MEX3C: variants seen among roughly 807,000 people sequenced by gnomAD.
MEX3C encodes RNA-binding E3 ubiquitin-protein ligase MEX3C.
Under a neutral mutation model 35.5 loss-of-function variants are expected in MEX3C, and 15 were observed. The ratio of observed to expected loss-of-function variants is 0.42; its 90% CI spans 0.28 to 0.65. MEX3C has a LOEUF of 0.65. Among genes scored for constraint, MEX3C ranks in the 30% least tolerant of loss-of-function variants. The pLI, the probability that MEX3C is intolerant of heterozygous loss-of-function variation, is 0.20. For missense variants in MEX3C, 711 were observed against 842.8 expected (o/e 0.84, Z 1.94); for synonymous variants, 390 against 352.8 (o/e 1.11, Z -1.18).
intron 1 of MEX3C, among the ~76,000 whole-genome samples, chr18:51,182,912 C>T (rs1322513968): frequency 6.6e-5 from 10 of 152,138 alleles, no homozygotes; most frequent in African/African-American, 2.4e-4. Context: ...GTTCTTTTTC[C>T]TGTCAGAAAA....
At chr18:51,184,446 C>T (rs192260802) in intron 1 of MEX3C, among the ~76,000 whole-genome samples, 3 of 152,214 alleles carry the variant, frequency 2.0e-5, no homozygotes, top group East Asian at 3.9e-4. Context: ...ATTCTCAGAG[C>T]CCTTAAAAAC....
At chr18:51,178,860 CAAA>C (rs200287690) in intron 1 of MEX3C, among the ~76,000 whole-genome samples, 1 of 111,484 alleles carries the variant, frequency 9.0e-6, no homozygotes, top group African/African-American at 3.3e-5. Flanking sequence ...AACTCCATCT[CAAA>C]AAAAAAAAAA....
Position 51,174,698 on chromosome 18 carries a change from A to T in MEX3C, c.*1653T>A, listed in dbSNP as rs1016893630. The T allele has an allele frequency of 6.6e-6, 1 of 152,596 alleles. No homozygotes were observed. The highest frequency in any genetic ancestry group is 1.5e-5 in the Non-Finnish European group (1 of 68,008). 9.5% of individuals were successfully genotyped at this position (152,596 alleles called of 1,614,324 possible). Reference sequence around the variant, plus strand: ...TTTATCATAAAATATATGGTTTTAAATTTTACTCAAATTGAATTTATAATC... The same window carrying T: ...TTTATCATAAAATATATGGTTTTAATTTTTACTCAAATTGAATTTATAATC... On this transcript the variant is annotated 3_prime_UTR_variant, in exon 2 of 2. Transcript: ENST00000406189.
At position 51,197,613 on chromosome 18, in the gene MEX3C, G is replaced by C. The variant is rs1475650603; in HGVS notation, c.-293C>G. ...CGGCTCCCCTCTCAGTGTTTCTTTT[G>C]TTTCATGGCCTTAACCAGCCCCCGG... On this transcript the variant is annotated 5_prime_UTR_variant, in exon 1 of 2. Transcript: ENST00000406189. 6.6e-6 allele frequency among the ~76,000 whole-genome samples: 1 copy of C among 151,508 alleles called. No individual in the cohort carries two copies. The highest frequency in any genetic ancestry group is 2.0e-4 in the East Asian group (1 of 5,100).
chr18:51,187,466 G>GT (rs1001149081), intron 1 of MEX3C, among the ~76,000 whole-genome samples: 4 of 152,122 alleles, frequency 2.6e-5, no homozygotes, highest in Non-Finnish European at 5.9e-5. Flanking sequence ...TCCTTCGTTT[G>GT]TTTTTTGCAA....
At position 51,185,745 on chromosome 18, in the gene MEX3C, T is replaced by C. The variant is rs115484508; in HGVS notation, c.755-8169A>G. Among the ~76,000 whole-genome samples, 352 of 152,106 alleles carry C rather than the reference T, an allele frequency of 2.3e-3. 3 individuals are homozygous for C. Among genetic ancestry groups the C allele is most frequent in the African/African-American group, 8.3e-3 (345 of 41,494 alleles). On this transcript the variant is annotated intron_variant, in intron 1 of 1. Coordinates refer to ENST00000406189, the MANE Select transcript of MEX3C (RefSeq NM_016626.5). ...GTTTGAGGAATCACGGGCATTGGAA[T>C]AGGTGAAGGGATAAATCTAAAAATC... is the stretch of plus-strand genomic sequence containing the variant.
chr18:51,195,884 T>C (rs139432560), intron 1 of MEX3C: 2 of 152,424 alleles, frequency 1.3e-5, no homozygotes, highest in Admixed American at 6.5e-5. Context: ...TTAGTGTCCA[T>C]TTTTTCTTCA....
rs2144564070 is a variant in MEX3C, at chr18:51,197,309, G to T, written c.12C>A (p.Gly4=). The change falls in exon 1 of 2, where the codon GGC becomes GGA. Residue 4 remains glycine, a synonymous_variant. Transcript: ENST00000406189. ...CCGCCAGGGCCAGGGCCGCGGAGCT[G>T]CCGCTGGGCATCGCGGCGGCGCGCT... The part of the protein sequence containing the change: MPS[G]SSAALALAAA... The T allele has an allele frequency of 3.5e-6, 2 of 567,796 alleles. No individual in the cohort carries two copies. The highest frequency in any genetic ancestry group is 4.4e-6 in the Non-Finnish European group (2 of 450,172). 35.2% of individuals were successfully genotyped at this position (567,796 alleles called of 1,614,324 possible).
At chr18:51,187,655 C>G (rs1206892590) in intron 1 of MEX3C, among the ~76,000 whole-genome samples, 1 of 151,950 alleles carries the variant, frequency 6.6e-6, no homozygotes, top group African/African-American at 2.4e-5. Flanking sequence ...TTGAGGTCAG[C>G]AGAGATCACA....
chr18:51,197,340 T>TGGCGGC lies in MEX3C; in HGVS notation c.-26_-21dup, dbSNP rs968906531. On this transcript the variant is annotated 5_prime_UTR_variant, in exon 1 of 2. Transcript: ENST00000406189. ...GGGCATCGCGGCGGCGCGCTGTCAA[T>TGGCGGC]GGCGGCGGCGGCGGCCGGGTCAGGC... 5.8e-5 allele frequency: 21 copies of TGGCGGC among 359,696 alleles called. No homozygotes were observed. The highest frequency in any genetic ancestry group is 1.8e-4 in the African/African-American group (8 of 44,328). The allele number at this position is 359,696 out of a possible 1,614,324, so 22.3% of individuals were successfully genotyped here.
chr18:51,186,406 C>T (rs1256234064), intron 1 of MEX3C, among the ~76,000 whole-genome samples: 1 of 152,164 alleles, frequency 6.6e-6, no homozygotes, highest in African/African-American at 2.4e-5. Flanking sequence ...GGAAGGAGAG[C>T]AGAGGGAACT....
At chr18:51,182,633 C>T (rs1306968952) in intron 1 of MEX3C, among the ~76,000 whole-genome samples, 3 of 152,138 alleles carry the variant, frequency 2.0e-5, no homozygotes, top group Non-Finnish European at 4.4e-5. Flanking sequence ...AACTCTGGTC[C>T]TCTCACTCCC....
In MEX3C at chr18:51,176,725, C is replaced by T. The variant is rs770767687; in HGVS notation, c.1606G>A (p.Gly536Arg). 1 of 1,614,028 alleles carries T rather than the reference C, an allele frequency of 6.2e-7. No homozygotes were observed. Among genetic ancestry groups the T allele is most frequent in the Non-Finnish European group, 8.5e-7 (1 of 1,179,894 alleles). Residue 536 changes from glycine (G) to arginine (R), a missense_variant, in exon 2 of 2, where the codon GGA becomes AGA. Gly to Arg is a moderately radical substitution (Grantham distance 125, BLOSUM62 -2). This residue lies in a region of MEX3C where 187 missense variants were observed against 201.7 expected (regional missense o/e 0.93). Transcript: ENST00000406189. ...AGACGAGGAGTAGATGGCTGACTTC[C>T]TCTGCGCTGAGTCTTCATGTTACCA... Reference protein sequence around the residue: ...PSGNMKTQRRGSQPSTPRLSP... With the variant: ...PSGNMKTQRRRSQPSTPRLSP...
rs754759397 is a variant in MEX3C at position 51,196,901 on chromosome 18, C to A, written c.420G>T (p.Ser140=). The A allele has an allele frequency of 3.2e-6, 5 of 1,542,096 alleles. No individual in the cohort carries two copies. The part of the protein sequence containing the change: ...LEEAEEEDRS[S]LLLLSPPAAT... ...CCGCGGGCGGCGACAGCAGCAGCAG[C>A]GACGACCGGTCCTCCTCCTCTGCTT... The change falls in exon 1 of 2, where the codon TCG becomes TCT. Residue 140 remains serine (S), a synonymous_variant. Coordinates refer to ENST00000406189, the MANE Select transcript of MEX3C (RefSeq NM_016626.5).
At chr18:51,181,175 G>A (rs977085657) in intron 1 of MEX3C, among the ~76,000 whole-genome samples, 2 of 152,136 alleles carry the variant, frequency 1.3e-5, no homozygotes, top group Non-Finnish European at 1.5e-5. Flanking sequence ...TTCAGAAGCC[G>A]TATTATGATA....
At position 51,176,465 on chromosome 18, in the gene MEX3C, T is replaced by A. The variant is rs766368961; in HGVS notation, c.1866A>T (p.Pro622=). ...CCATGCAGAAGAGGTTGTGGCCACATGGAACTAGGGCAGCAATAACCTCAT... is the reference window on the plus strand; with the variant it reads ...CCATGCAGAAGAGGTTGTGGCCACAAGGAACTAGGGCAGCAATAACCTCAT... The part of the protein sequence containing the change: ...FENEVIAALV[P]CGHNLFCMEC... The change falls in exon 2 of 2, where the codon CCA becomes CCT. Residue 622 remains proline, a synonymous_variant. Coordinates refer to ENST00000406189, the MANE Select transcript of MEX3C (RefSeq NM_016626.5). The A allele has an allele frequency of 9.3e-6, 15 of 1,613,890 alleles. No homozygotes were observed. The African/African-American group carries it at 1.9e-4, about 20-fold the overall frequency.
chr18:51,195,115 A>G (rs1912746834), intron 1 of MEX3C: 1 of 152,248 alleles, frequency 6.6e-6, no homozygotes, highest in Admixed American at 6.5e-5. Flanking sequence ...AGCTTGGTAC[A>G]TAGCGATTCC....
intron 1 of MEX3C, among the ~76,000 whole-genome samples, chr18:51,186,605 C>T (rs201851689): frequency 6.6e-6 from 1 of 151,334 alleles, no homozygotes; most frequent in Non-Finnish European, 1.5e-5. Flanking sequence ...TGGAGATAGA[C>T]AGTAACATAA....
In MEX3C at chr18:51,178,261, C is replaced by CA. The variant is rs549809320; in HGVS notation, c.755-686dup. Among the ~76,000 whole-genome samples, 15 of 152,164 alleles carry CA rather than the reference C, an allele frequency of 9.9e-5. No homozygotes were observed. In the South Asian group the frequency reaches 3.1e-3, roughly 32 times the overall value. Reference sequence around the variant, plus strand: ...TTTATTCAAGGACTGCTCTGATTGACAGACACAATTTCAAATAAAAGGCCA... The same window carrying CA: ...TTTATTCAAGGACTGCTCTGATTGACAAGACACAATTTCAAATAAAAGGCCA... On this transcript the variant is annotated intron_variant, in intron 1 of 1. Transcript: ENST00000406189.
Sources: allele counts gnomAD v4.1 joint callset (sites outside exome capture counted in the v4.1 genomes callset), GRCh38; gene constraint gnomAD v4.1.1; regional missense constraint gnomAD v4.1.1; transcripts MANE v1.5; gene names NCBI Gene and HGNC (gene_info 2026-07-23, HGNC 2026-07-21).